Variants in DIP2C observed in about 807,000 individuals in gnomAD.
The protein encoded by DIP2C is DIP2 acetate--CoA ligase C (putative).
Under a neutral mutation model 192.4 loss-of-function variants are expected in DIP2C, and 33 were observed. The observed-to-expected ratio is 0.17, with a 90% confidence interval of 0.13 to 0.23. DIP2C has a LOEUF of 0.23. DIP2C is among the 10% of genes least tolerant of loss of function. DIP2C has a pLI of 1.00. For missense variants in DIP2C, 1,537 were observed against 2,110.1 expected (o/e 0.73, Z 5.32); for synonymous variants, 979 against 864.1 (o/e 1.13, Z -2.33).
At chr10:670,387 T>C (rs1025881383) in intron 1 of DIP2C, among the ~76,000 whole-genome samples, 16 of 152,106 alleles carry the variant, frequency 1.1e-4, no homozygotes, top group Admixed American at 9.2e-4. Flanking sequence ...CATGCATGTG[T>C]ACACGCATAC....
intron 26 of DIP2C, 56 bp downstream of exon 26, chr10:348,585 A>G (rs987182392): frequency 1.3e-6 from 2 of 1,583,038 alleles, no homozygotes; most frequent in African/African-American, 2.7e-5. Flanking sequence ...TGCGCGTTGC[A>G]AGCTCCACAC....
chr10:626,469 G>A (rs114008859), intron 1 of DIP2C, among the ~76,000 whole-genome samples: 21 of 149,576 alleles, frequency 1.4e-4, no homozygotes, highest in South Asian at 1.1e-3. Context: ...GTTACCCTCC[G>A]TCCCCCGTCC....
chr10:320,351 T>C (rs1208040906), intron 31 of DIP2C, among the ~76,000 whole-genome samples: 4 of 151,596 alleles, frequency 2.6e-5, no homozygotes, highest in African/African-American at 9.7e-5. Flanking sequence ...CTGCTAAATA[T>C]ACAAAAATTA....
At chr10:484,631 G>A (rs1843860240) in intron 2 of DIP2C, 1 of 1,107,646 alleles carries the variant, frequency 9.0e-7, no homozygotes, top group Admixed American at 2.8e-5. Flanking sequence ...CGAGCTCTGG[G>A]CCTGTGGAGC....
chr10:311,354 G>A (rs1448672654), intron 31 of DIP2C, among the ~76,000 whole-genome samples: 1 of 152,258 alleles, frequency 6.6e-6, no homozygotes, highest in Non-Finnish European at 1.5e-5. Flanking sequence ...CGGGAAGACA[G>A]CGTCGGCTAC....
chr10:417,970 G>GA (rs1965856874), intron 6 of DIP2C, among the ~76,000 whole-genome samples: 1 of 108,760 alleles, frequency 9.2e-6, no homozygotes, highest in African/African-American at 3.8e-5. Flanking sequence ...GCACCTGTCA[G>GA]GGCTCGGATA....
At chr10:496,812 G>T (rs151095901) in intron 1 of DIP2C, among the ~76,000 whole-genome samples, 2 of 151,992 alleles carry the variant, frequency 1.3e-5, no homozygotes, top group Admixed American at 1.3e-4. Flanking sequence ...CAGAACCCAC[G>T]GTGCCCTCTG....
chr10:495,649 A>G (rs1220899972), intron 1 of DIP2C, among the ~76,000 whole-genome samples: 7 of 152,096 alleles, frequency 4.6e-5, no homozygotes, highest in East Asian at 1.9e-4. Context: ...TCAGGATCCC[A>G]AAGTCTGTGA....
At chr10:381,920 G>A (rs541618272) in intron 17 of DIP2C, among the ~76,000 whole-genome samples, 5 of 152,254 alleles carry the variant, frequency 3.3e-5, no homozygotes, top group South Asian at 2.1e-4. Context: ...TGGATGGGCC[G>A]TTGACAGCCG....
In DIP2C at chr10:605,542, G is replaced by A. The variant is rs1045605860; in HGVS notation, c.85+83952C>T. On this transcript the variant is annotated intron_variant, in intron 1 of 36. Coordinates refer to ENST00000280886, the MANE Select transcript of DIP2C (RefSeq NM_014974.3). ...GTGCTGGAGAAAGCTCTCAGCTTAA[G>A]CCGAATCTGTGAAACTTTATTTTCC... Among the ~76,000 whole-genome samples the A allele has an allele frequency of 2.0e-5, 3 of 152,324 alleles. No individual in the cohort carries two copies. The South Asian group carries it at 6.2e-4, about 32-fold the overall frequency.
At position 651,127 on chromosome 10, in the gene DIP2C, T is replaced by A. The variant is rs918368390; in HGVS notation, c.85+38367A>T. 2.8e-5 allele frequency: 20 copies of A among 717,408 alleles called. No individual in the cohort carries two copies. Among genetic ancestry groups the A allele is most frequent in the Non-Finnish European group, 4.7e-5 (18 of 385,108 alleles). The allele number at this position is 717,408 out of a possible 1,614,324, so 44.4% of individuals were successfully genotyped here. A position where few individuals can be genotyped will look rare whatever the true frequency, so the allele number is the denominator to read the frequency against. On this transcript the variant is annotated intron_variant, in intron 1 of 36. Transcript: ENST00000280886. The surrounding 1 kb of genome is among the most constrained non-coding windows in gnomAD (Gnocchi z 4.1). ...CCTGGCCAGCTCTCGCCACACTCAG[T>A]CAATGTCCACTGGGGGCCTCAGGGG...
At chr10:662,308 C>T (rs1026227864) in intron 1 of DIP2C, among the ~76,000 whole-genome samples, 3 of 152,242 alleles carry the variant, frequency 2.0e-5, no homozygotes, top group Non-Finnish European at 4.4e-5. Context: ...ACTTGGAGAA[C>T]ACTTGCTTGA....
chr10:482,153 G>A (rs908254683), intron 2 of DIP2C, among the ~76,000 whole-genome samples: 3 of 152,202 alleles, frequency 2.0e-5, no homozygotes, highest in African/African-American at 2.4e-5. Flanking sequence ...CACGGCCTGA[G>A]CAGAGTTCCT....
At chr10:620,655 T>C (rs1245638276) in intron 1 of DIP2C, among the ~76,000 whole-genome samples, 1 of 152,174 alleles carries the variant, frequency 6.6e-6, no homozygotes, top group African/African-American at 2.4e-5. Context: ...ATGATCAGGA[T>C]ACAAAAAAAT....
intron 13 of DIP2C, 87 bp downstream of exon 13, chr10:389,904 A>T: frequency 9.5e-7 from 1 of 1,050,464 alleles, no homozygotes; most frequent in Non-Finnish European, 1.4e-6. Context: ...CGCTATTTCT[A>T]TGGCTCCTCG....
At position 618,767 on chromosome 10, in the gene DIP2C, T is replaced by C. The variant is rs567426443; in HGVS notation, c.85+70727A>G. 1.2e-4 allele frequency among the ~76,000 whole-genome samples: 19 copies of C among 152,200 alleles called. No individual in the cohort carries two copies. In the South Asian group the frequency reaches 3.7e-3, roughly 30 times the overall value. On this transcript the variant is annotated intron_variant, in intron 1 of 36. Coordinates refer to ENST00000280886, the MANE Select transcript of DIP2C (RefSeq NM_014974.3). ...TTGGGACAATACCCCGTGACCTCGG[T>C]CCACACAGACACGTGCAGACCAGAG...
chr10:471,192 CAGG>C (rs1490302919), intron 3 of DIP2C, among the ~76,000 whole-genome samples: 1 of 152,136 alleles, frequency 6.6e-6, no homozygotes. Flanking sequence ...CAGGGGCGCC[CAGG>C]AGGTGGCACC....
At chr10:544,586 TCAC>T (rs1397453916) in intron 1 of DIP2C, among the ~76,000 whole-genome samples, 3 of 152,180 alleles carry the variant, frequency 2.0e-5, no homozygotes, top group Non-Finnish European at 4.4e-5. Flanking sequence ...TTTCCCATCT[TCAC>T]CAACATGTCA....
chr10:606,867 G>A (rs1040663166), intron 1 of DIP2C, among the ~76,000 whole-genome samples: 5 of 152,158 alleles, frequency 3.3e-5, no homozygotes, highest in African/African-American at 1.2e-4. Flanking sequence ...CAGCTTCCGT[G>A]TGGCGTGTGA....
Sources: allele counts gnomAD v4.1 joint callset (sites outside exome capture counted in the v4.1 genomes callset), GRCh38; gene constraint gnomAD v4.1.1; non-coding constraint Gnocchi (gnomAD v3.1); transcripts MANE v1.5; gene names NCBI Gene and HGNC (gene_info 2026-07-23, HGNC 2026-07-21).